Variants in LRRTM4 observed in about 807,000 individuals in gnomAD.
The protein encoded by LRRTM4 is leucine-rich repeat transmembrane neuronal protein 4.
A neutral mutation model predicts 47.6 loss-of-function variants in LRRTM4; 25 were observed. That is an observed-to-expected ratio of 0.53 (90% CI 0.38 to 0.73). The LOEUF (loss-of-function observed/expected upper bound fraction) is 0.73. Among genes scored for constraint, LRRTM4 ranks in the 30% least tolerant of loss-of-function variants. The pLI is 0.00. For missense variants in LRRTM4, 638 were observed against 713.4 expected (o/e 0.89, Z 1.20); for synonymous variants, 311 against 269.5 (o/e 1.15, Z -1.51).
At chr2:77,350,806 TTG>T (rs1286712175) in intron 3 of LRRTM4, among the ~76,000 whole-genome samples, 1 of 150,960 alleles carries the variant, frequency 6.6e-6, no homozygotes, top group Admixed American at 6.6e-5. Flanking sequence ...ATATGAAATA[TTG>T]CTCTGACTCA....
intron 3 of LRRTM4, among the ~76,000 whole-genome samples, chr2:77,375,776 C>G (rs1490011770): frequency 1.3e-5 from 2 of 151,712 alleles, no homozygotes; most frequent in Admixed American, 1.3e-4. Context: ...CTTTCTTTTC[C>G]AATTTTGAAT....
chr2:77,164,882 C>T (rs1013405496), intron 3 of LRRTM4, among the ~76,000 whole-genome samples: 13 of 151,978 alleles, frequency 8.6e-5, no homozygotes, highest in African/African-American at 2.7e-4. Flanking sequence ...AAATTGACAC[C>T]CTAACATCAC....
chr2:77,363,488 T>A (rs1290949950), intron 3 of LRRTM4, among the ~76,000 whole-genome samples: 3 of 152,174 alleles, frequency 2.0e-5, no homozygotes, highest in Admixed American at 2.0e-4. Flanking sequence ...ATTCCTGTCA[T>A]CTCACTGAAC....
At chr2:76,944,301 A>C (rs758319257) in intron 3 of LRRTM4, among the ~76,000 whole-genome samples, 5 of 152,114 alleles carry the variant, frequency 3.3e-5, no homozygotes, top group Non-Finnish European at 5.9e-5. Context: ...GCCTTCTCTG[A>C]CACTCAAATC....
rs142781309 is a variant in LRRTM4 at position 77,086,684 on chromosome 2, G to A, written c.1552-337768C>T. ...TTTGTTTGTTATTTTTAGTAGAGAC[G>A]GGGTTTCACCACACTGGCCAGGCTG... On this transcript the variant is annotated intron_variant, in intron 3 of 3. Coordinates refer to ENST00000409884, the MANE Select transcript of LRRTM4 (RefSeq NM_001134745.3). 8.8e-3 allele frequency among the ~76,000 whole-genome samples: 1,336 copies of A among 151,834 alleles called. 26 individuals are homozygous for A. Among genetic ancestry groups the A allele is most frequent in the African/African-American group, 0.029 (1,217 of 41,374 alleles).
At chr2:77,009,509 T>C (rs1677789595) in intron 3 of LRRTM4, 1 of 152,142 alleles carries the variant, frequency 6.6e-6, no homozygotes, top group Non-Finnish European at 1.5e-5. Context: ...ACATTAAATA[T>C]TAGTAAACAC....
At chr2:77,164,526 A>G (rs914533233) in intron 3 of LRRTM4, among the ~76,000 whole-genome samples, 10 of 152,144 alleles carry the variant, frequency 6.6e-5, no homozygotes, top group Non-Finnish European at 1.3e-4. Flanking sequence ...GCACCACACC[A>G]CACTTATTCC....
chr2:77,424,751 G>C (rs1675040448), intron 3 of LRRTM4, among the ~76,000 whole-genome samples: 1 of 152,150 alleles, frequency 6.6e-6, no homozygotes, highest in Admixed American at 6.5e-5. Context: ...GTATTTTGAA[G>C]ATTTGCTTCA....
At chr2:76,805,476 T>A (rs1468767044) in intron 3 of LRRTM4, among the ~76,000 whole-genome samples, 2 of 152,174 alleles carry the variant, frequency 1.3e-5, no homozygotes, top group Non-Finnish European at 2.9e-5. Flanking sequence ...ATTGAAGATT[T>A]GCTGTAGTGA....
chr2:77,140,420 A>G (rs899758175), intron 3 of LRRTM4, among the ~76,000 whole-genome samples: 9 of 152,218 alleles, frequency 5.9e-5, no homozygotes, highest in African/African-American at 2.2e-4. Flanking sequence ...CTGGCTAGCC[A>G]TATGTAGAAA....
chr2:77,052,138 C>A (rs1365722095), intron 3 of LRRTM4, among the ~76,000 whole-genome samples: 1 of 144,282 alleles, frequency 6.9e-6, no homozygotes, highest in African/African-American at 2.6e-5. Flanking sequence ...AAAAAAAATA[C>A]CGTTACATTT....
chr2:76,833,637 CAT>C (rs1322401410), intron 3 of LRRTM4, among the ~76,000 whole-genome samples: 5 of 151,868 alleles, frequency 3.3e-5, no homozygotes, highest in African/African-American at 1.2e-4. Flanking sequence ...TTAATAAATA[CAT>C]ATTTGTAAAA....
intron 3 of LRRTM4, among the ~76,000 whole-genome samples, chr2:76,972,396 A>G (rs1056040316): frequency 7.0e-6 from 1 of 143,620 alleles, no homozygotes; most frequent in Non-Finnish European, 1.5e-5. Context: ...TAGTCCATTC[A>G]TTTATTCATT....
At chr2:77,461,784 G>A (rs1047067866) in intron 3 of LRRTM4, among the ~76,000 whole-genome samples, 2 of 151,798 alleles carry the variant, frequency 1.3e-5, no homozygotes, top group African/African-American at 4.8e-5. Context: ...TCTTGCTCTG[G>A]GAATACTGAA....
intron 3 of LRRTM4, among the ~76,000 whole-genome samples, chr2:77,088,168 T>A (rs955392781): frequency 6.6e-6 from 1 of 152,204 alleles, no homozygotes; most frequent in African/African-American, 2.4e-5. Flanking sequence ...TTCTGCTGTT[T>A]GTCAAAGTTT....
intron 3 of LRRTM4, among the ~76,000 whole-genome samples, chr2:77,004,119 G>A (rs761880441): frequency 8.5e-5 from 13 of 152,166 alleles, no homozygotes; most frequent in Non-Finnish European, 1.6e-4. Flanking sequence ...AAAATTTGCA[G>A]CCTGAAATGC....
intron 3 of LRRTM4, among the ~76,000 whole-genome samples, chr2:77,049,122 T>TATATATATATATACATATATATA (rs34587249): frequency 1.6e-5 from 1 of 62,698 alleles, no homozygotes; most frequent in African/African-American, 8.8e-5. Context: ...ATTTCATTTT[T>TATATATATATATACATATATATA]TATATATATA....
chr2:77,248,291 T>C (rs2104007093), intron 3 of LRRTM4, among the ~76,000 whole-genome samples: 1 of 152,040 alleles, frequency 6.6e-6, no homozygotes, highest in South Asian at 2.1e-4. Flanking sequence ...AATTAAAATA[T>C]GAACACAAAA....
intron 3 of LRRTM4, among the ~76,000 whole-genome samples, chr2:77,041,870 G>A (rs1464295262): frequency 1.3e-5 from 2 of 149,884 alleles, no homozygotes; most frequent in Non-Finnish European, 3.0e-5. Flanking sequence ...AATATTTTCT[G>A]AATATTGAAA....
Sources: gnomAD v4.1 joint callset for allele counts (sites outside exome capture counted in the v4.1 genomes callset) on GRCh38, gnomAD v4.1.1 for gene constraint, MANE v1.5 for transcripts, NCBI Gene and HGNC (gene_info 2026-07-23, HGNC 2026-07-21) for gene names.